ARHGEF37: variants seen among roughly 807,000 people sequenced by gnomAD.
ARHGEF37 encodes the protein Rho guanine nucleotide exchange factor 37.
Under a neutral mutation model 71.1 loss-of-function variants are expected in ARHGEF37, and 55 were observed. The ratio of observed to expected loss-of-function variants is 0.77; its 90% CI spans 0.62 to 0.97. The LOEUF (loss-of-function observed/expected upper bound fraction) is 0.97, where lower values mean the gene tolerates loss of function less well. ARHGEF37 is among the 50% of genes least tolerant of loss of function. The probability of loss-of-function intolerance (pLI) is 0.00; values close to 1 mark genes in which losing one functional copy is unlikely to be tolerated. For synonymous variants in ARHGEF37, 327 were observed against 350.6 expected (o/e 0.93, Z 0.75); for missense variants, 765 against 836.8 (o/e 0.91, Z 1.06).
chr5:149,622,857 C>G (rs762718224), intron 9 of ARHGEF37, among the ~76,000 whole-genome samples: 2 of 152,246 alleles, frequency 1.3e-5, no homozygotes, highest in African/African-American at 2.4e-5. Context: ...AACATGAGAG[C>G]TGAATTGCTG....
chr5:149,627,357 G>A, intron 11 of ARHGEF37, 86 bp downstream of exon 11: 1 of 1,458,430 alleles, frequency 6.9e-7, no homozygotes, highest in Non-Finnish European at 9.3e-7. Flanking sequence ...ACTCTTGTGG[G>A]TCAAAGTCTG....
intron 7 of ARHGEF37, 32 bp downstream of exon 7, chr5:149,619,074 G>T: frequency 6.3e-7 from 1 of 1,590,252 alleles, no homozygotes; most frequent in Admixed American, 1.7e-5. Context: ...TAAAGGGCGA[G>T]TCTGGGCTGG....
At chr5:149,578,039 G>A (rs1763045314), upstream of ARHGEF37, among the ~76,000 whole-genome samples, 1 of 152,244 alleles carries the variant, frequency 6.6e-6, no homozygotes, top group Non-Finnish European at 1.5e-5. Context: ...CAGGGCCAGT[G>A]GCATTGCCAG....
At chr5:149,629,419 T>A (rs533463306) in intron 12 of ARHGEF37, among the ~76,000 whole-genome samples, 17 of 152,168 alleles carry the variant, frequency 1.1e-4, no homozygotes, top group Non-Finnish European at 2.1e-4. Flanking sequence ...ACCAGAGCCC[T>A]AGGTGTGGAG....
intron 4 of ARHGEF37, among the ~76,000 whole-genome samples, chr5:149,610,544 G>C (rs1764049030): frequency 6.6e-6 from 1 of 152,134 alleles, no homozygotes; most frequent in Non-Finnish European, 1.5e-5. Context: ...ACAGTGCTGG[G>C]ACAACAGGCG....
At chr5:149,607,329 C>A (rs1462991380) in intron 3 of ARHGEF37, among the ~76,000 whole-genome samples, 2 of 152,218 alleles carry the variant, frequency 1.3e-5, no homozygotes, top group Non-Finnish European at 2.9e-5. Flanking sequence ...TGCCTCAGGG[C>A]CTCTGCAGGT....
chr5:149,621,923 A>G lies in ARHGEF37; in HGVS notation c.1196A>G (p.Asn399Ser), dbSNP rs1296572551. Residue 399 changes from asparagine to serine, a missense_variant, in exon 9 of 13, where the codon AAC becomes AGC. By Grantham distance (46) the Asn-to-Ser change is conservative. Around this residue, in one of 5 missense-constraint regions of ARHGEF37, gnomAD observed 390 missense variants for 407.4 expected, o/e 0.96. Coordinates refer to ENST00000333677, the MANE Select transcript of ARHGEF37 (RefSeq NM_001001669.3). ...GCCCGGCACACATACCAGGCACTCA[A>G]CTCGCTGCTAGTGGCTGAGCTCCCA... Reference protein sequence around the residue: ...EAARHTYQALNSLLVAELPQF... With the variant: ...EAARHTYQALSSLLVAELPQF... 2 of 1,614,188 alleles carry G rather than the reference A, an allele frequency of 1.2e-6. No homozygotes were observed. The highest frequency in any genetic ancestry group is 2.2e-5 in the South Asian group (2 of 91,084).
At chr5:149,592,258 T>A (rs1763428635) in intron 1 of ARHGEF37, among the ~76,000 whole-genome samples, 1 of 152,206 alleles carries the variant, frequency 6.6e-6, no homozygotes, top group Non-Finnish European at 1.5e-5. Flanking sequence ...ACAATAACAC[T>A]GTCACCACAA....
intron 1 of ARHGEF37, among the ~76,000 whole-genome samples, chr5:149,590,541 A>G (rs541613233): frequency 4.0e-4 from 60 of 151,242 alleles, no homozygotes; most frequent in African/African-American, 1.5e-3. Context: ...TGGCCTCCCA[A>G]AGTGTTGGGA....
chr5:149,553,353 T>C (rs1762710555), intron 1 of ARHGEF37, among the ~76,000 whole-genome samples: 1 of 151,898 alleles, frequency 6.6e-6, no homozygotes, highest in South Asian at 2.1e-4. Context: ...TGAGCCGAGA[T>C]CGTGCCACTG....
upstream of ARHGEF37, chr5:149,551,811 T>TA (rs375732390): frequency 5.3e-5 from 8 of 152,028 alleles, no homozygotes; most frequent in African/African-American, 1.9e-4. Flanking sequence ...AGGCGGTTTT[T>TA]AACCTTTGAT....
chr5:149,614,355 A>G (rs1224480906), intron 4 of ARHGEF37, among the ~76,000 whole-genome samples: 3 of 152,090 alleles, frequency 2.0e-5, no homozygotes, highest in Non-Finnish European at 2.9e-5. Flanking sequence ...GAGAATGTAC[A>G]AAGACCTGTT....
rs183806444 is a variant in ARHGEF37, at chr5:149,554,829, G to A, written c.-12+2706G>A. 2.6e-4 allele frequency among the ~76,000 whole-genome samples: 39 copies of A among 152,074 alleles called. 1 individual carries two copies. The East Asian group carries it at 7.4e-3, about 29-fold the overall frequency. ...ACTTATTGAATCAGCAGCAGCTTTG[G>A]TGTAATGAAAGGAGTCTTTTAGGCC... On this transcript the variant is annotated intron_variant, in intron 1 of 2. Coordinates refer to the ARHGEF37 transcript ENST00000505810.
chr5:149,580,394 C>T (rs1306468466), upstream of ARHGEF37, among the ~76,000 whole-genome samples: 3 of 152,106 alleles, frequency 2.0e-5, no homozygotes, highest in Admixed American at 6.6e-5. Context: ...GCTATACCAC[C>T]CCTCTCCCCT....
At chr5:149,590,702 G>A (rs991491750) in intron 1 of ARHGEF37, among the ~76,000 whole-genome samples, 1 of 151,400 alleles carries the variant, frequency 6.6e-6, no homozygotes, top group Non-Finnish European at 1.5e-5. Context: ...GGCAGAGAAT[G>A]GCTGCCACCT....
intron 1 of ARHGEF37, among the ~76,000 whole-genome samples, chr5:149,554,649 T>TTG (rs1762729112): frequency 6.8e-6 from 1 of 146,606 alleles, no homozygotes; most frequent in African/African-American, 2.6e-5. Flanking sequence ...GCAAAATTGT[T>TTG]TTTTTTTTTT....
intron 1 of ARHGEF37, among the ~76,000 whole-genome samples, chr5:149,568,969 GTATATT>G (rs1219424122): frequency 6.6e-6 from 1 of 151,914 alleles, no homozygotes; most frequent in African/African-American, 2.4e-5. Flanking sequence ...AAATGTGTAT[GTATATT>G]TATGTGTATG....
At chr5:149,611,207 C>T (rs549263043) in intron 4 of ARHGEF37, among the ~76,000 whole-genome samples, 26 of 152,260 alleles carry the variant, frequency 1.7e-4, no homozygotes, top group African/African-American at 6.3e-4. Context: ...TAAGGCCAGC[C>T]CATACTCAAG....
At chr5:149,621,226 G>A (rs1259995102) in intron 8 of ARHGEF37, among the ~76,000 whole-genome samples, 1 of 152,186 alleles carries the variant, frequency 6.6e-6, no homozygotes, top group Non-Finnish European at 1.5e-5. Context: ...ACTTTGGGAG[G>A]CCAAGGCAGG....
Sources: allele counts gnomAD v4.1 joint callset (sites outside exome capture counted in the v4.1 genomes callset), GRCh38; gene constraint gnomAD v4.1.1; regional missense constraint gnomAD v4.1.1; transcripts MANE v1.5; gene names NCBI Gene and HGNC (gene_info 2026-07-23, HGNC 2026-07-21).